CNTN5: variants seen among roughly 807,000 people sequenced by gnomAD.
The protein encoded by CNTN5 is contactin-5.
In CNTN5, 77 loss-of-function variants were observed where a neutral mutation model predicts 129.1. The ratio of observed to expected loss-of-function variants is 0.60; its 90% confidence interval spans 0.50 to 0.72. The LOEUF (loss-of-function observed/expected upper bound fraction) is 0.72, where lower values mean the gene tolerates loss of function less well. CNTN5 is among the 30% of genes least tolerant of loss of function. The pLI is 0.00. For missense variants in CNTN5, 1,478 were observed against 1,328.8 expected (o/e 1.11, Z -1.75); for synonymous variants, 509 against 465.6 (o/e 1.09, Z -1.20).
At chr11:99,487,827 G>T (rs563880371) in intron 2 of CNTN5, among the ~76,000 whole-genome samples, 152 of 152,258 alleles carry the variant, frequency 1.0e-3, no homozygotes, top group African/African-American at 3.6e-3. Flanking sequence ...AACTTTTAAT[G>T]AGTTAAGAAT....
intron 1 of CNTN5, among the ~76,000 whole-genome samples, chr11:99,288,195 A>T (rs951904657): frequency 6.6e-6 from 1 of 151,960 alleles, no homozygotes; most frequent in Non-Finnish European, 1.5e-5. Flanking sequence ...ATATGAAAGC[A>T]AATTGTTTGC....
In CNTN5 at chr11:99,757,398, A is replaced by G. The variant is rs77031672; in HGVS notation, c.56-62146A>G. Among the ~76,000 whole-genome samples the G allele has an allele frequency of 4.0e-3, 602 of 151,556 alleles. 3 individuals carry two copies. The highest frequency in any genetic ancestry group is 5.0e-3 in the Non-Finnish European group (336 of 67,854). ...GCTCTTTCTGTGTAGCTCTGTTTCT[A>G]TATTTTCTGTCCTTATAAGGACCCA... On this transcript the variant is annotated intron_variant, in intron 3 of 24. Transcript: ENST00000524871.
chr11:100,145,822 C>T lies in CNTN5; in HGVS notation c.1581-45304C>T, dbSNP rs185153257. Among the ~76,000 whole-genome samples the T allele has an allele frequency of 3.9e-5, 6 of 152,174 alleles. No individual in the cohort carries two copies. In the East Asian group the frequency reaches 5.8e-4, roughly 15 times the overall value. On this transcript the variant is annotated intron_variant, in intron 13 of 24. Transcript: ENST00000524871. Reference sequence around the variant, plus strand: ...TCAAGAGACAGAGAACTAAATGTAGCCTGCTCACAAACCATGAGAGGACTT... The same window carrying T: ...TCAAGAGACAGAGAACTAAATGTAGTCTGCTCACAAACCATGAGAGGACTT...
chr11:99,997,786 A>G (rs1939555700), intron 8 of CNTN5, among the ~76,000 whole-genome samples: 1 of 152,178 alleles, frequency 6.6e-6, no homozygotes, highest in Non-Finnish European at 1.5e-5. Context: ...ATCCAGCAGC[A>G]CATCAAAAAG....
At chr11:100,235,225 T>C (rs1949583891) in intron 16 of CNTN5, among the ~76,000 whole-genome samples, 1 of 152,230 alleles carries the variant, frequency 6.6e-6, no homozygotes, top group African/African-American at 2.4e-5. Flanking sequence ...AATCAGACTT[T>C]TTTTTCTGAA....
chr11:99,429,146 G>A lies in CNTN5; in HGVS notation c.-71+103662G>A, dbSNP rs948505652. 8.6e-5 allele frequency among the ~76,000 whole-genome samples: 13 copies of A among 152,006 alleles called. 1 individual carries two copies. The highest frequency in any genetic ancestry group is 3.8e-4 in the East Asian group (2 of 5,198). On this transcript the variant is annotated intron_variant, in intron 2 of 24. Transcript: ENST00000524871. The stretch of plus-strand genomic sequence containing the variant: ...ATTTTATTTTACCAATAATTCTAAA[G>A]CCACCTTATTTATTAAAGATTTGCT...
intron 3 of CNTN5, among the ~76,000 whole-genome samples, chr11:99,632,593 A>G (rs1024090368): frequency 6.6e-6 from 1 of 152,130 alleles, no homozygotes; most frequent in Non-Finnish European, 1.5e-5. Context: ...TGTGGCCTGA[A>G]CTCATGGCTT....
chr11:99,798,532 C>T (rs1946018510), intron 3 of CNTN5, among the ~76,000 whole-genome samples: 1 of 152,076 alleles, frequency 6.6e-6, no homozygotes, highest in African/African-American at 2.4e-5. Flanking sequence ...GGTCCTTTTT[C>T]TACTGCTTGT....
chr11:100,022,620 A>G (rs551681825), intron 9 of CNTN5, among the ~76,000 whole-genome samples: 5 of 152,270 alleles, frequency 3.3e-5, no homozygotes, highest in Admixed American at 2.0e-4. Flanking sequence ...ACCATTTTCA[A>G]TGCTTTCAAA....
intron 2 of CNTN5, among the ~76,000 whole-genome samples, chr11:99,457,818 G>T (rs1944550724): frequency 6.6e-6 from 1 of 151,360 alleles, no homozygotes; most frequent in East Asian, 1.9e-4. Context: ...TTTTTAAATG[G>T]TCATGTTTAA....
intron 1 of CNTN5, among the ~76,000 whole-genome samples, chr11:99,275,320 AAC>A (rs1450247280): frequency 6.6e-6 from 1 of 151,522 alleles, no homozygotes; most frequent in East Asian, 1.9e-4. Context: ...GTGTGGTTAA[AAC>A]ACAGAAAAAT....
At chr11:99,895,800 A>G (rs1464880118) in intron 6 of CNTN5, among the ~76,000 whole-genome samples, 1 of 152,148 alleles carries the variant, frequency 6.6e-6, no homozygotes, top group African/African-American at 2.4e-5. Flanking sequence ...CATGGAACCA[A>G]CCCCACAAGC....
At chr11:99,171,765 T>TTTA (rs1192154124) in intron 1 of CNTN5, among the ~76,000 whole-genome samples, 1 of 152,204 alleles carries the variant, frequency 6.6e-6, no homozygotes, top group East Asian at 1.9e-4. Flanking sequence ...CCATGACACT[T>TTTA]TTATTATTAC....
intron 2 of CNTN5, among the ~76,000 whole-genome samples, chr11:99,448,853 T>C (rs1944184700): frequency 2.6e-5 from 4 of 151,550 alleles, no homozygotes; most frequent in Non-Finnish European, 4.4e-5. Flanking sequence ...TCATGGCTCA[T>C]TGCAGCCTCT....
intron 3 of CNTN5, among the ~76,000 whole-genome samples, chr11:99,587,112 T>C (rs1324008350): frequency 6.6e-6 from 1 of 152,138 alleles, no homozygotes; most frequent in Non-Finnish European, 1.5e-5. Context: ...CATATTGCAA[T>C]GAAGTCATGT....
At chr11:99,283,398 G>GTGCACACACACA (rs1175757518) in intron 1 of CNTN5, among the ~76,000 whole-genome samples, 4 of 151,554 alleles carry the variant, frequency 2.6e-5, no homozygotes, top group African/African-American at 9.7e-5. Context: ...ACATGCACAT[G>GTGCACACACACA]TGCACACACA....
chr11:99,792,044 A>G (rs564801187), intron 3 of CNTN5, among the ~76,000 whole-genome samples: 123 of 152,246 alleles, frequency 8.1e-4, no homozygotes, highest in African/African-American at 2.9e-3. Flanking sequence ...TTATCAGTGA[A>G]GATAGCTAGT....
At chr11:99,559,037 G>A (rs914998171) in intron 3 of CNTN5, among the ~76,000 whole-genome samples, 1 of 151,980 alleles carries the variant, frequency 6.6e-6, no homozygotes, top group African/African-American at 2.4e-5. Context: ...TTTCAGAGGT[G>A]GAGCCCCTAT....
At chr11:99,662,563 A>G (rs1426378370) in intron 3 of CNTN5, among the ~76,000 whole-genome samples, 2 of 152,204 alleles carry the variant, frequency 1.3e-5, no homozygotes, top group Non-Finnish European at 2.9e-5. Flanking sequence ...ATAAACACGT[A>G]TTTATCTTCA....
Sources: gnomAD v4.1 joint callset for allele counts (sites outside exome capture counted in the v4.1 genomes callset) on GRCh38, gnomAD v4.1.1 for gene constraint, MANE v1.5 for transcripts, NCBI Gene and HGNC (gene_info 2026-07-23, HGNC 2026-07-21) for gene names.